Variants in NT5C3B observed in about 807,000 individuals in gnomAD.
NT5C3B encodes 5'-nucleotidase, cytosolic IIIB.
A neutral mutation model predicts 32.5 loss-of-function variants in NT5C3B; 28 were observed. The ratio of observed to expected loss-of-function variants is 0.86; its 90% CI spans 0.64 to 1.18. NT5C3B has a LOEUF of 1.18. Ranked by LOEUF, NT5C3B falls within the 50% of genes most tolerant of loss-of-function variation. The pLI is 0.00. For synonymous variants in NT5C3B, 138 were observed against 118.0 expected, an observed-to-expected ratio of 1.17 and a Z score of -1.10; for missense variants, 317 against 322.0, an observed-to-expected ratio of 0.98 and a Z score of 0.12.
At chr17:41,826,478 C>T (rs1555618209) in intron 8 of NT5C3B, among the ~76,000 whole-genome samples, 1 of 152,064 alleles carries the variant, frequency 6.6e-6, no homozygotes, top group Non-Finnish European at 1.5e-5. Flanking sequence ...CTGCCCTGGC[C>T]TCCCAAAATA....
Position 41,834,980 on chromosome 17 carries a change from G to A in NT5C3B, c.228+90C>T, listed in dbSNP as rs2048120226. The A allele has an allele frequency of 2.4e-6, 3 of 1,273,814 alleles. No homozygotes were observed. The South Asian group carries it at 3.6e-5, about 15-fold the overall frequency. 78.9% of individuals were successfully genotyped at this position (1,273,814 alleles called of 1,614,324 possible). On this transcript the variant is annotated intron_variant, in intron 4 of 8. Transcript: ENST00000435506. ...AGTTTTTAAAAATTAATTTTCTAAGGTCTCTATACTGGAATCTTTGGTTCC... is the reference window on the plus strand; with the variant it reads ...AGTTTTTAAAAATTAATTTTCTAAGATCTCTATACTGGAATCTTTGGTTCC...
chr17:41,835,882 T>C lies in NT5C3B; in HGVS notation c.88A>G (p.Lys30Glu). 4.4e-6 allele frequency: 7 copies of C among 1,609,128 alleles called. No individual in the cohort carries two copies. The highest frequency in any genetic ancestry group is 5.9e-6 in the Non-Finnish European group (7 of 1,178,672). ...RVQEIVGALR[K>E]GGGDRLQVIS... ...ACCTGTAACCGGTCTCCGCCGCCCT[T>C]GCGGAGGGCGCCCACGATCTCCTGC... The change falls in exon 2 of 9, where the codon AAG (lysine) becomes GAG (glutamate). Residue 30 changes from lysine to glutamate, a missense_variant. Physicochemically the swap from Lys to Glu is moderately conservative, Grantham distance 56. Coordinates refer to ENST00000435506, the MANE Select transcript of NT5C3B (RefSeq NM_052935.5).
chr17:41,826,030 C>T (rs2047955019), intron 8 of NT5C3B, among the ~76,000 whole-genome samples: 1 of 151,948 alleles, frequency 6.6e-6, no homozygotes, highest in South Asian at 2.1e-4. Context: ...GGGTGGGTGC[C>T]TGTAGTCCCA....
chr17:41,832,989 A>G (rs1309455758), intron 4 of NT5C3B, among the ~76,000 whole-genome samples: 9 of 152,194 alleles, frequency 5.9e-5, no homozygotes, highest in African/African-American at 2.2e-4. Flanking sequence ...ATTATCTTCC[A>G]ACATAATCGC....
chr17:41,825,447 G>T lies in NT5C3B; in HGVS notation c.*76C>A. ...TGCTGGCCACCCTGGCCTCTGCTCT[G>T]TGTTCACGGGGGAGCAGACTCTGGG... is the stretch of plus-strand genomic sequence containing the variant. On this transcript the variant is annotated 3_prime_UTR_variant, in exon 9 of 9. Transcript: ENST00000435506. The T allele has an allele frequency of 1.3e-6, 1 of 793,368 alleles. No homozygotes were observed. The allele number at this position is 793,368 out of a possible 1,614,324, so 49.1% of individuals were successfully genotyped here.
chr17:41,833,105 A>C (rs2048079757), intron 4 of NT5C3B, among the ~76,000 whole-genome samples: 1 of 152,202 alleles, frequency 6.6e-6, no homozygotes, highest in Non-Finnish European at 1.5e-5. Flanking sequence ...TCTAAAAGTC[A>C]GCAATATGAG....
rs1204580520 is a variant in NT5C3B, at chr17:41,835,013, A to G, written c.228+57T>C. 3.3e-6 allele frequency: 5 copies of G among 1,522,352 alleles called. No individual in the cohort carries two copies. In the African/African-American group the frequency reaches 5.5e-5, roughly 17 times the overall value. 94.3% of individuals were successfully genotyped at this position (1,522,352 alleles called of 1,614,324 possible). ...ACTGGAATCTTTGGTTCCAATCAGG[A>G]ACCATTTGAAGTAGCAAATGACAAC... is the stretch of plus-strand genomic sequence containing the variant. On this transcript the variant is annotated intron_variant, in intron 4 of 8. Coordinates refer to ENST00000435506, the MANE Select transcript of NT5C3B (RefSeq NM_052935.5).
intron 8 of NT5C3B, 55 bp downstream of exon 8, chr17:41,827,371 G>T: frequency 1.2e-6 from 1 of 801,758 alleles, no homozygotes. Context: ...ATTTGTTAAT[G>T]GGCATTCAAA....
At chr17:41,835,558 T>C (rs2144111287) in intron 2 of NT5C3B, 1 of 691,892 alleles carries the variant, frequency 1.4e-6, no homozygotes, top group South Asian at 1.5e-5. Context: ...ATCTCTACCA[T>C]TACGGCCCAT....
chr17:41,833,145 G>A (rs1164927862), intron 4 of NT5C3B, among the ~76,000 whole-genome samples: 1 of 152,160 alleles, frequency 6.6e-6, no homozygotes, highest in Non-Finnish European at 1.5e-5. Flanking sequence ...AGGGTACTAA[G>A]ATTTTTTTGC....
At chr17:41,830,919 A>G (rs1393973662) in intron 5 of NT5C3B, 29 bp from the exon 6 acceptor site, 1 of 1,366,758 alleles carries the variant, frequency 7.3e-7, no homozygotes. Context: ...GAAAACCCCA[A>G]ATTCAAATCA....
chr17:41,825,503 C>A lies in NT5C3B; in HGVS notation c.*20G>T. 1.2e-6 allele frequency: 1 copy of A among 868,982 alleles called. No individual in the cohort carries two copies. Among genetic ancestry groups the A allele is most frequent in the Non-Finnish European group, 2.0e-6 (1 of 500,204 alleles). 53.8% of individuals were successfully genotyped at this position (868,982 alleles called of 1,614,324 possible). A position where few individuals can be genotyped will look rare whatever the true frequency, so the allele number is the denominator to read the frequency against. ...GCCCCTCCTCACCACGGCCTGCAGGCCGGGCTGGAGCCTGCGCCTTCAGGG... is the reference window on the plus strand; with the variant it reads ...GCCCCTCCTCACCACGGCCTGCAGGACGGGCTGGAGCCTGCGCCTTCAGGG... On this transcript the variant is annotated 3_prime_UTR_variant, in exon 9 of 9. Transcript: ENST00000435506.
intron 7 of NT5C3B, 129 bp downstream of exon 7, chr17:41,828,661 C>T (rs2048002863): frequency 1.1e-6 from 1 of 871,482 alleles, no homozygotes; most frequent in Non-Finnish European, 1.8e-6. Flanking sequence ...AAACAACTGC[C>T]TGAGGGTGAA....
intron 4 of NT5C3B, among the ~76,000 whole-genome samples, chr17:41,833,168 G>C (rs902764935): frequency 4.6e-5 from 7 of 152,056 alleles, no homozygotes; most frequent in African/African-American, 1.7e-4. Flanking sequence ...TTATTAATTA[G>C]CTCAATTTTC....
rs1555619642 is a variant in NT5C3B at position 41,835,136 on chromosome 17, C to T, written c.182-20G>A. On this transcript the variant is annotated intron_variant, in intron 3 of 8. Coordinates refer to ENST00000435506, the MANE Select transcript of NT5C3B (RefSeq NM_052935.5). The stretch of plus-strand genomic sequence containing the variant: ...GAATATCTGGAAAAAGAGAAAACTC[C>T]TTTTACTTGTCCCTTAGAACCCATC... 1.2e-6 allele frequency: 2 copies of T among 1,613,844 alleles called. No homozygotes were observed. The highest frequency in any genetic ancestry group is 1.7e-6 in the Non-Finnish European group (2 of 1,179,766).
chr17:41,827,011 A>G (rs1191766904), intron 8 of NT5C3B, among the ~76,000 whole-genome samples: 1 of 151,608 alleles, frequency 6.6e-6, no homozygotes, highest in South Asian at 2.1e-4. Context: ...AAAAAAAAAA[A>G]AAAAAGAAAA....
intron 4 of NT5C3B, among the ~76,000 whole-genome samples, chr17:41,834,446 T>C (rs2048109136): frequency 1.4e-5 from 2 of 146,730 alleles, no homozygotes; most frequent in South Asian, 4.3e-4. Flanking sequence ...CAGAAGAATA[T>C]AAATTTTCTT....
At chr17:41,832,024 C>G (rs892867487) in intron 5 of NT5C3B, among the ~76,000 whole-genome samples, 2 of 152,198 alleles carry the variant, frequency 1.3e-5, no homozygotes, top group Admixed American at 1.3e-4. Context: ...CCATTGGACT[C>G]CAGCCTGGGC....
At position 41,827,579 on chromosome 17, in the gene NT5C3B, CTTG is replaced by C. The variant is rs782072963; in HGVS notation, c.612_614del (p.Asn204del). On this transcript the variant is annotated inframe_deletion, in exon 8 of 9. Coordinates refer to ENST00000435506, the MANE Select transcript of NT5C3B (RefSeq NM_052935.5). Reference sequence around the variant, plus strand: ...CAGAGTTCTCACACGCAGAGCTGTTCTTGTTGTATGTGTGTATGAGCTGGCCCT... The same window carrying C: ...CAGAGTTCTCACACGCAGAGCTGTTCTTGTATGTGTGTATGAGCTGGCCCT... 2.8e-5 allele frequency: 24 copies of C among 868,088 alleles called. No homozygotes were observed. The highest frequency in any genetic ancestry group is 4.4e-5 in the Non-Finnish European group (22 of 497,382). 53.8% of individuals were successfully genotyped at this position (868,088 alleles called of 1,614,324 possible). A position where few individuals can be genotyped will look rare whatever the true frequency, so the allele number is the denominator to read the frequency against.
Sources: gnomAD v4.1 joint callset for allele counts (sites outside exome capture counted in the v4.1 genomes callset) on GRCh38, gnomAD v4.1.1 for gene constraint, MANE v1.5 for transcripts, NCBI Gene and HGNC (gene_info 2026-07-23, HGNC 2026-07-21) for gene names.